Variants in LARS1 observed in about 807,000 individuals in gnomAD.
The protein encoded by LARS1 is leucine--tRNA ligase, cytoplasmic.
A neutral mutation model predicts 162.8 loss-of-function variants in LARS1; 100 were observed. That is an observed-to-expected ratio of 0.61 (90% CI 0.52 to 0.73). The LOEUF is 0.73. Among genes scored for constraint, LARS1 ranks in the 30% least tolerant of loss-of-function variants. The pLI, the probability that LARS1 is intolerant of heterozygous loss-of-function variation, is 0.00. For missense variants in LARS1, 1,258 were observed against 1,408.9 expected (o/e 0.89, Z 1.71); for synonymous variants, 457 against 462.8 (o/e 0.99, Z 0.16).
chr5:146,177,550 G>C lies in LARS1; in HGVS notation c.122C>G (p.Thr41Ser), dbSNP rs765507057. ...AACTTCACAAACTATTACTCACCTG[G>C]TCTGTTTCTCTAAATTAGATGCATT... ...EVNASNLEKQ[T>S]SKGKYFVTFP... Residue 41 changes from threonine (T) to serine (S), a missense_variant, in exon 2 of 32, where the codon ACC becomes AGC. Physicochemically the swap from Thr to Ser is moderately conservative, Grantham distance 58. Coordinates refer to ENST00000394434, the MANE Select transcript of LARS1 (RefSeq NM_020117.11). The C allele has an allele frequency of 2.9e-6, 4 of 1,401,160 alleles. No homozygotes were observed. The South Asian group carries it at 4.7e-5, about 16-fold the overall frequency. 86.8% of individuals were successfully genotyped at this position (1,401,160 alleles called of 1,614,324 possible).
At chr5:146,146,295 G>A (rs528942228) in intron 15 of LARS1, among the ~76,000 whole-genome samples, 8 of 149,724 alleles carry the variant, frequency 5.3e-5, no homozygotes, top group African/African-American at 1.5e-4. Flanking sequence ...AGCTGAGATC[G>A]TGCCATTGCA....
At chr5:146,173,545 T>C (rs972413916) in intron 2 of LARS1, among the ~76,000 whole-genome samples, 44 of 151,932 alleles carry the variant, frequency 2.9e-4, no homozygotes, top group Non-Finnish European at 5.7e-4. Flanking sequence ...AAAGCTTTTT[T>C]TTTTTTTTTA....
intron 5 of LARS1, among the ~76,000 whole-genome samples, chr5:146,165,035 C>T (rs1472515490): frequency 6.6e-6 from 1 of 152,122 alleles, no homozygotes. Flanking sequence ...GAATTATACA[C>T]CACAAAGAGG....
intron 8 of LARS1, among the ~76,000 whole-genome samples, chr5:146,158,772 G>A (rs902105267): frequency 2.6e-5 from 4 of 152,110 alleles, no homozygotes; most frequent in African/African-American, 7.2e-5. Context: ...ACATTAGCAT[G>A]CATATACATC....
chr5:146,169,643 G>A (rs1286476388), intron 4 of LARS1, among the ~76,000 whole-genome samples: 2 of 151,802 alleles, frequency 1.3e-5, no homozygotes, highest in Non-Finnish European at 2.9e-5. Context: ...CTACTTCCCG[G>A]GTTCAAGCGA....
chr5:146,143,387 T>C (rs747279290), intron 19 of LARS1, 25 bp downstream of exon 19: 2 of 1,591,592 alleles, frequency 1.3e-6, no homozygotes, highest in South Asian at 1.1e-5. Flanking sequence ...CAAATTATGC[T>C]CCTTTCCCTT....
chr5:146,133,282 C>A (rs1043034492), intron 22 of LARS1, among the ~76,000 whole-genome samples: 4 of 152,126 alleles, frequency 2.6e-5, no homozygotes, highest in African/African-American at 9.7e-5. Context: ...TTCGAACCAT[C>A]CATATTGATT....
chr5:146,177,138 C>G (rs1435284195), intron 2 of LARS1, among the ~76,000 whole-genome samples: 1 of 152,184 alleles, frequency 6.6e-6, no homozygotes, highest in Non-Finnish European at 1.5e-5. Flanking sequence ...TTCCACCAAG[C>G]TGTTTCTGTA....
intron 22 of LARS1, among the ~76,000 whole-genome samples, chr5:146,134,278 TAGTG>T (rs564704613): frequency 9.2e-5 from 14 of 152,246 alleles, no homozygotes; most frequent in Admixed American, 2.6e-4. Context: ...CTTTTTCTGA[TAGTG>T]AGCTCTGTGA....
At chr5:146,144,429 T>C in intron 17 of LARS1, 43 bp downstream of exon 17, 1 of 1,600,826 alleles carries the variant, frequency 6.2e-7, no homozygotes, top group Non-Finnish European at 8.5e-7. Flanking sequence ...TTTCCACATT[T>C]TTCATCTCCT....
rs905793524 is a variant in LARS1, at chr5:146,133,679, C to T, written c.2213-598G>A. ...ACTGTAGGATATCCCTACAATGGAA[C>T]ACTATAGGGTTGCAAAAAAAAAAAA... is the stretch of plus-strand genomic sequence containing the variant. On this transcript the variant is annotated intron_variant, in intron 22 of 31. Coordinates refer to ENST00000394434, the MANE Select transcript of LARS1 (RefSeq NM_020117.11). Among the ~76,000 whole-genome samples the T allele has an allele frequency of 1.1e-3, 122 of 108,768 alleles. 2 individuals are homozygous for T. Among genetic ancestry groups the T allele is most frequent in the African/African-American group, 4.1e-3 (119 of 28,950 alleles). 71.4% of individuals were successfully genotyped at this position (108,768 alleles called of 152,430 possible).
At chr5:146,146,627 T>C (rs550769337) in intron 15 of LARS1, among the ~76,000 whole-genome samples, 4 of 122,358 alleles carry the variant, frequency 3.3e-5, no homozygotes, top group East Asian at 4.7e-4. Context: ...ATAGTAAAAA[T>C]AGGGGAATTA....
chr5:146,136,568 C>T (rs1393373281), intron 21 of LARS1, among the ~76,000 whole-genome samples: 1 of 151,590 alleles, frequency 6.6e-6, no homozygotes, highest in Non-Finnish European at 1.5e-5. Flanking sequence ...GCAACCTCCG[C>T]CTCCCTCGGT....
chr5:146,116,646 G>A (rs1378194113), intron 31 of LARS1, among the ~76,000 whole-genome samples: 1 of 152,212 alleles, frequency 6.6e-6, no homozygotes, highest in Non-Finnish European at 1.5e-5. Flanking sequence ...AAAGATGAGA[G>A]TGATTCTAAG....
intron 18 of LARS1, 110 bp from the exon 19 acceptor site, chr5:146,143,660 T>C (rs2126482323): frequency 1.0e-6 from 1 of 971,300 alleles, no homozygotes; most frequent in Admixed American, 2.5e-5. Context: ...TTTAGGAAGC[T>C]CTTAAATTAT....
chr5:146,172,642 T>C (rs750956576), intron 3 of LARS1, 45 bp downstream of exon 3: 12 of 1,153,490 alleles, frequency 1.0e-5, no homozygotes, highest in Middle Eastern at 3.9e-4. Flanking sequence ...ACAATATTCG[T>C]TAAAAACCTT....
chr5:146,164,395 T>C lies in LARS1; in HGVS notation c.509A>G (p.Glu170Gly), dbSNP rs1015104660. ...TTCTGCTTCAGAAAATTTTACTATC[T>C]CTTCATCAGACAGGCCAAGGGATTT... ...IMKSLGLSDE[E>G]IVKFSEAEHW... Residue 170 changes from glutamate (E) to glycine (G), a missense_variant, in exon 6 of 32, where the codon GAG becomes GGG. Glu to Gly is a moderately conservative substitution (Grantham distance 98). Coordinates refer to ENST00000394434, the MANE Select transcript of LARS1 (RefSeq NM_020117.11). The C allele has an allele frequency of 1.2e-6, 2 of 1,614,008 alleles. No individual in the cohort carries two copies. Among genetic ancestry groups the C allele is most frequent in the Middle Eastern group, 3.3e-4 (2 of 6,062 alleles).
In LARS1 at chr5:146,114,145, C is replaced by A; in HGVS notation, c.3492G>T (p.Arg1164Ser). Reference protein sequence around the residue: ...KKIHLTENGIRVDIGDTIIYL... With the variant: ...KKIHLTENGISVDIGDTIIYL... ...AGATTATTGTATCGCCAATATCCAC[C>A]CTTATCCCATTCTCAGTCAGATGAA... The change falls in exon 32 of 32, where the codon AGG becomes AGT. Residue 1164 changes from arginine to serine, a missense_variant. Coordinates refer to ENST00000394434, the MANE Select transcript of LARS1 (RefSeq NM_020117.11). 2 of 1,613,690 alleles carry A rather than the reference C, an allele frequency of 1.2e-6. No individual in the cohort carries two copies. Among genetic ancestry groups the A allele is most frequent in the Non-Finnish European group, 1.7e-6 (2 of 1,179,928 alleles).
rs1751872126 is a variant in LARS1, at chr5:146,122,506, C to T, written c.3178G>A (p.Val1060Ile). The change falls in exon 30 of 32, where the codon GTT (valine) becomes ATT (isoleucine). Residue 1060 changes from valine to isoleucine, a missense_variant. By Grantham distance (29) the Val-to-Ile change is conservative. Transcript: ENST00000394434. ...CTTCAACTTACTTCTATTCTAAAAA[C>T]ATTAAGTGGTTTCCCAGGACAGCAG... ...EDCCPGKPLN[V>I]FRIEPGVSVS... 6 of 1,595,972 alleles carry T rather than the reference C, an allele frequency of 3.8e-6. No homozygotes were observed. Among genetic ancestry groups the T allele is most frequent in the South Asian group, 1.1e-5 (1 of 90,032 alleles).
Sources: gnomAD v4.1 joint callset for allele counts (sites outside exome capture counted in the v4.1 genomes callset) on GRCh38, gnomAD v4.1.1 for gene constraint, MANE v1.5 for transcripts, NCBI Gene and HGNC (gene_info 2026-07-23, HGNC 2026-07-21) for gene names.